Variants in NF1 observed in about 807,000 individuals in gnomAD.
The protein encoded by NF1 is neurofibromin.
In NF1, 122 loss-of-function variants were observed where a neutral mutation model predicts 325.7. The observed-to-expected ratio is 0.37, with a 90% CI of 0.32 to 0.44. The LOEUF (loss-of-function observed/expected upper bound fraction) is 0.44. Ranked by LOEUF, NF1 falls within the 20% of genes least tolerant of loss-of-function variation. NF1 has a pLI of 1.00. For synonymous variants in NF1, 1,091 were observed against 1,186.0 expected (o/e 0.92, Z 1.65); for missense variants, 2,140 against 3,415.4 (o/e 0.63, Z 9.31).
intron 1 of NF1, among the ~76,000 whole-genome samples, chr17:31,148,516 A>T (rs538760797): frequency 1.3e-5 from 2 of 151,938 alleles, no homozygotes; most frequent in Non-Finnish European, 2.9e-5. Context: ...GGGATTGGTC[A>T]TTAGTCATTA....
At chr17:31,296,296 C>G in intron 36 of NF1, 1 of 1,614,008 alleles carries the variant, frequency 6.2e-7, no homozygotes, top group Non-Finnish European at 8.5e-7. Flanking sequence ...GAAGGATGAA[C>G]AGGCAGAGAG....
chr17:31,344,740 T>C (rs2069926047), intron 48 of NF1, among the ~76,000 whole-genome samples: 1 of 152,238 alleles, frequency 6.6e-6, no homozygotes, highest in Admixed American at 6.5e-5. Flanking sequence ...TAAGTAATTG[T>C]AACTGGGCTA....
At chr17:31,342,963 G>C in intron 47 of NF1, 46 bp from the exon 48 acceptor site, 1 of 1,611,806 alleles carries the variant, frequency 6.2e-7, no homozygotes, top group Non-Finnish European at 8.5e-7. Context: ...TTTAAAGAAA[G>C]CTACTGTGTG....
In NF1 at chr17:31,219,823, G is replaced by T. The variant is rs1487404809; in HGVS notation, c.1641+705G>T. 2.6e-5 allele frequency among the ~76,000 whole-genome samples: 4 copies of T among 152,012 alleles called. No individual in the cohort carries two copies. In the East Asian group the frequency reaches 7.7e-4, roughly 29 times the overall value. Reference sequence around the variant, plus strand: ...ATATAAATAGAATCATAGAATATGTGGCCTTTTATGTCTGGCTACCTTGAC... The same window carrying T: ...ATATAAATAGAATCATAGAATATGTTGCCTTTTATGTCTGGCTACCTTGAC... On this transcript the variant is annotated intron_variant, in intron 14 of 57. Coordinates refer to ENST00000358273, the MANE Select transcript of NF1 (RefSeq NM_001042492.3).
At chr17:31,223,413 G>A (rs1192546905) in intron 15 of NF1, 31 bp from the exon 16 acceptor site, 1 of 1,607,714 alleles carries the variant, frequency 6.2e-7, no homozygotes, top group Non-Finnish European at 8.5e-7. Context: ...TATTGATGAT[G>A]CTAGTAACAA....
At chr17:31,273,518 A>G (rs574215155) in intron 36 of NF1, 2 of 152,354 alleles carry the variant, frequency 1.3e-5, no homozygotes, top group African/African-American at 4.8e-5. Context: ...TCTAACATAT[A>G]TATTAAAAGT....
intron 1 of NF1, among the ~76,000 whole-genome samples, chr17:31,154,754 T>A (rs940268789): frequency 2.6e-4 from 16 of 62,316 alleles, no homozygotes; most frequent in African/African-American, 4.3e-4. Context: ...TTTTTTTTTT[T>A]ATTTGAGATG....
chr17:31,269,924 C>T (rs79758964), intron 36 of NF1, among the ~76,000 whole-genome samples: 6 of 152,280 alleles, frequency 3.9e-5, no homozygotes, highest in Non-Finnish European at 8.8e-5. Context: ...GTGGTAAAGC[C>T]AGCCCTATCC....
chr17:31,289,098 G>A (rs1014480308), intron 36 of NF1, among the ~76,000 whole-genome samples: 25 of 152,068 alleles, frequency 1.6e-4, no homozygotes, highest in Non-Finnish European at 3.2e-4. Context: ...AACTTCTAGG[G>A]GCAAGTGAAT....
chr17:31,358,170 A>T, intron 54 of NF1: 2 of 420,812 alleles, frequency 4.8e-6, no homozygotes, highest in South Asian at 4.4e-5. Context: ...TAAGTAGCAG[A>T]CAGAGCCAAC....
In NF1 at chr17:31,227,084, A is replaced by G. The variant is rs529856787; in HGVS notation, c.2252-134A>G. ...GTACCTTTCCTGTGAGGTTAGTGAA[A>G]GGAAGTTTTTGGCTTTATCATTTGA... is the stretch of plus-strand genomic sequence containing the variant. On this transcript the variant is annotated intron_variant, in intron 18 of 57. Transcript: ENST00000358273. 3.1e-4 allele frequency: 277 copies of G among 884,036 alleles called. No homozygotes were observed. In the African/African-American group the frequency reaches 4.3e-3, roughly 14 times the overall value. 54.8% of individuals were successfully genotyped at this position (884,036 alleles called of 1,614,324 possible).
chr17:31,152,385 A>G (rs1403486806), intron 1 of NF1, among the ~76,000 whole-genome samples: 1 of 151,420 alleles, frequency 6.6e-6, no homozygotes, highest in Admixed American at 6.6e-5. Context: ...CTAGTTTCTA[A>G]TATCCACTTT....
Position 31,318,075 on chromosome 17 carries a change from C to T in NF1, c.4836-7745C>T, listed in dbSNP as rs572780543. The T allele has an allele frequency of 1.0e-3, 480 of 478,316 alleles. 3 individuals carry two copies. The highest frequency in any genetic ancestry group is 2.2e-3 in the South Asian group (55 of 24,638). The allele number at this position is 478,316 out of a possible 1,614,324, so 29.6% of individuals were successfully genotyped here. ...TTATCCTTAAAATTTTCCTCAAATG[C>T]TTAGTTATTTTATTATTTGCTTTTT... On this transcript the variant is annotated intron_variant, in intron 36 of 57. Transcript: ENST00000358273.
At chr17:31,193,942 A>AT (rs1231888108) in intron 8 of NF1, among the ~76,000 whole-genome samples, 5 of 152,204 alleles carry the variant, frequency 3.3e-5, no homozygotes, top group Admixed American at 3.3e-4. Flanking sequence ...GCTAGTGGGA[A>AT]TGTAAACTAG....
At chr17:31,287,542 CTGTGTG>C (rs59906241) in intron 36 of NF1, among the ~76,000 whole-genome samples, 1,925 of 145,584 alleles carry the variant, frequency 0.013, 26 homozygotes, top group Admixed American at 0.043. Flanking sequence ...TCATTCATAA[CTGTGTG>C]TGTGTGTGTG....
chr17:31,196,609 C>T (rs1383467626), intron 8 of NF1, among the ~76,000 whole-genome samples: 1 of 140,118 alleles, frequency 7.1e-6, no homozygotes, highest in Non-Finnish European at 1.6e-5. Context: ...AAATCTTTGC[C>T]AAATCCAATG....
intron 8 of NF1, among the ~76,000 whole-genome samples, chr17:31,190,244 G>A (rs1227878938): frequency 2.0e-5 from 3 of 151,930 alleles, no homozygotes; most frequent in East Asian, 1.9e-4. Context: ...GCGACAGAGC[G>A]AGATTCCATC....
At chr17:31,330,747 C>T in intron 39 of NF1, 3 of 429,962 alleles carry the variant, frequency 7.0e-6, no homozygotes, top group Non-Finnish European at 1.2e-5. Context: ...ACTTTACACA[C>T]CTCTGGACCA....
chr17:31,307,476 T>C (rs1001326122), intron 36 of NF1, among the ~76,000 whole-genome samples: 2 of 152,208 alleles, frequency 1.3e-5, no homozygotes, highest in Non-Finnish European at 2.9e-5. Flanking sequence ...AGCAACAATG[T>C]GGGCACAGGA....
Sources: gnomAD v4.1 joint callset for allele counts (sites outside exome capture counted in the v4.1 genomes callset) on GRCh38, gnomAD v4.1.1 for gene constraint, MANE v1.5 for transcripts, NCBI Gene and HGNC (gene_info 2026-07-23, HGNC 2026-07-21) for gene names.